Variants in PRKN observed in about 807,000 individuals in gnomAD.
The protein encoded by PRKN is E3 ubiquitin-protein ligase parkin.
A neutral mutation model predicts 59.5 loss-of-function variants in PRKN; 56 were observed. The observed-to-expected ratio is 0.94, with a 90% CI of 0.76 to 1.18. The LOEUF is 1.18. Among genes scored for constraint, PRKN ranks in the 50% most tolerant of loss-of-function variants. The pLI is 0.00. For synonymous variants in PRKN, 250 were observed against 222.1 expected, an observed-to-expected ratio of 1.13 and a Z score of -1.12; for missense variants, 657 against 596.4, an observed-to-expected ratio of 1.10 and a Z score of -1.06.
chr6:162,160,275 T>C (rs1782697549), intron 4 of PRKN, among the ~76,000 whole-genome samples: 1 of 152,152 alleles, frequency 6.6e-6, no homozygotes, highest in Non-Finnish European at 1.5e-5. Context: ...ATAAAATATA[T>C]GGATGGCAAA....
intron 2 of PRKN, among the ~76,000 whole-genome samples, chr6:162,349,205 C>T (rs1045587087): frequency 1.3e-5 from 2 of 150,946 alleles, no homozygotes; most frequent in African/African-American, 2.4e-5. Context: ...CGGTGGCTCA[C>T]GCCTGTAATC....
chr6:162,152,110 T>C (rs116203477), intron 4 of PRKN, among the ~76,000 whole-genome samples: 1 of 152,136 alleles, frequency 6.6e-6, no homozygotes, highest in African/African-American at 2.4e-5. Context: ...AACAGTAGAA[T>C]TGGAAAGAAA....
At chr6:161,981,058 C>T (rs1191046947) in intron 5 of PRKN, among the ~76,000 whole-genome samples, 1 of 152,164 alleles carries the variant, frequency 6.6e-6, no homozygotes, top group Non-Finnish European at 1.5e-5. Flanking sequence ...TAACAGGATA[C>T]AGGGCTGTGG....
At chr6:161,733,783 A>AATATATATATATATATATATATATATAT (rs1554298473) in intron 7 of PRKN, among the ~76,000 whole-genome samples, 1 of 86,226 alleles carries the variant, frequency 1.2e-5, no homozygotes, top group African/African-American at 8.8e-5. Flanking sequence ...AAAAAAAAAA[A>AATATATATATATATATATATATATATAT]ATATATATAT....
At chr6:161,898,050 C>A (rs1014686841) in intron 6 of PRKN, among the ~76,000 whole-genome samples, 1 of 149,918 alleles carries the variant, frequency 6.7e-6, no homozygotes, top group South Asian at 2.1e-4. Flanking sequence ...AAGAACAAAT[C>A]TCTGATTATT....
At chr6:162,638,247 T>C (rs1777815233) in intron 1 of PRKN, among the ~76,000 whole-genome samples, 1 of 142,798 alleles carries the variant, frequency 7.0e-6, no homozygotes, top group Non-Finnish European at 1.5e-5. Flanking sequence ...AAGCACAAAA[T>C]GCCTCCTTTC....
In PRKN at chr6:162,327,814, T is replaced by C. The variant is rs148525328; in HGVS notation, c.172-65049A>G. 3.1e-4 allele frequency among the ~76,000 whole-genome samples: 47 copies of C among 152,284 alleles called. No individual in the cohort carries two copies. The East Asian group carries it at 6.2e-3, about 20-fold the overall frequency. ...GTGTTTCCTGTCAAGGAGAAGCTCA[T>C]GGTCTCCAAGGTCTTATCTTTCTAC... On this transcript the variant is annotated intron_variant, in intron 2 of 11. Coordinates refer to ENST00000366898, the MANE Select transcript of PRKN (RefSeq NM_004562.3).
intron 6 of PRKN, among the ~76,000 whole-genome samples, chr6:161,942,259 G>A (rs754937302): frequency 7.2e-5 from 11 of 152,132 alleles, no homozygotes; most frequent in Admixed American, 4.6e-4. Flanking sequence ...CAGGCTGGGC[G>A]CGGTGGCTCA....
chr6:161,354,765 A>G lies in PRKN; in HGVS notation c.1286-4554T>C, dbSNP rs968866038. ...GTTTCGGTTACAGTGATGCACTTTT[A>G]AACAGTTTAGGCCATCGCTAATAAG... is the stretch of plus-strand genomic sequence containing the variant. On this transcript the variant is annotated intron_variant, in intron 11 of 11. Transcript: ENST00000366898. The surrounding 1 kb of genome is among the most constrained non-coding windows in gnomAD (Gnocchi z 6.7). 3.3e-5 allele frequency among the ~76,000 whole-genome samples: 5 copies of G among 152,198 alleles called. No individual in the cohort carries two copies. The highest frequency in any genetic ancestry group is 1.2e-4 in the African/African-American group (5 of 41,460).
intron 7 of PRKN, among the ~76,000 whole-genome samples, chr6:161,606,571 GA>G (rs2128145063): frequency 6.6e-6 from 1 of 152,258 alleles, no homozygotes; most frequent in South Asian, 2.1e-4. Context: ...TGAGAGAGAA[GA>G]AAAAATCAGA....
chr6:161,935,138 A>G (rs969125386), intron 6 of PRKN, among the ~76,000 whole-genome samples: 6 of 152,102 alleles, frequency 3.9e-5, no homozygotes, highest in African/African-American at 1.4e-4. Context: ...AAACTTCAAA[A>G]GTTCACAGAA....
chr6:162,370,349 T>C (rs1785690847), intron 2 of PRKN, among the ~76,000 whole-genome samples: 1 of 152,130 alleles, frequency 6.6e-6, no homozygotes, highest in Non-Finnish European at 1.5e-5. Flanking sequence ...GGCATAGCAT[T>C]TTAACATCAC....
In PRKN at chr6:161,462,430, T is replaced by C. The variant is rs142716592; in HGVS notation, c.1084-75553A>G. 0.01 allele frequency among the ~76,000 whole-genome samples: 1,540 copies of C among 152,296 alleles called. 16 individuals carry two copies. Among genetic ancestry groups the C allele is most frequent in the Middle Eastern group, 0.031 (9 of 294 alleles). Reference sequence around the variant, plus strand: ...TAATACTGTAGAACGTGCTCTTCCATTACCTTGAAGCTAATGACTAGCTAA... The same window carrying C: ...TAATACTGTAGAACGTGCTCTTCCACTACCTTGAAGCTAATGACTAGCTAA... On this transcript the variant is annotated intron_variant, in intron 9 of 11. Coordinates refer to ENST00000366898, the MANE Select transcript of PRKN (RefSeq NM_004562.3). The surrounding 1 kb of genome is among the most constrained non-coding windows in gnomAD (Gnocchi z 4.5).
At chr6:162,471,698 CA>C (rs2128178447) in intron 1 of PRKN, among the ~76,000 whole-genome samples, 1 of 152,182 alleles carries the variant, frequency 6.6e-6, no homozygotes, top group East Asian at 1.9e-4. Context: ...TACAGAAGTG[CA>C]AAAACTAAAG....
At chr6:162,416,664 T>C in intron 2 of PRKN, among the ~76,000 whole-genome samples, 1 of 152,324 alleles carries the variant, frequency 6.6e-6, no homozygotes, top group East Asian at 1.9e-4. Context: ...AAATAAAAAG[T>C]ATATTTACTA....
chr6:162,021,461 A>ATATTTT (rs59250759), intron 5 of PRKN, among the ~76,000 whole-genome samples: 4 of 24,646 alleles, frequency 1.6e-4, no homozygotes, highest in African/African-American at 3.7e-4. Flanking sequence ...ATATATATAT[A>ATATTTT]TTTTTTTTTT....
chr6:161,436,286 GGACAGAGAGCAGGGGCC>G (rs1788900710), intron 9 of PRKN, among the ~76,000 whole-genome samples: 1 of 127,242 alleles, frequency 7.9e-6, no homozygotes, highest in Non-Finnish European at 1.6e-5. Context: ...GGAATGGGAG[GGACAGAGAGCAGGGGCC>G]GGGATGGGAG....
intron 7 of PRKN, among the ~76,000 whole-genome samples, chr6:161,711,151 T>C (rs974634068): frequency 3.9e-5 from 6 of 152,172 alleles, no homozygotes; most frequent in Non-Finnish European, 5.9e-5. Flanking sequence ...ATTTTCATTA[T>C]GTATCATTGT....
chr6:161,811,860 T>G (rs1330131230), intron 6 of PRKN, among the ~76,000 whole-genome samples: 1 of 151,824 alleles, frequency 6.6e-6, no homozygotes, highest in Non-Finnish European at 1.5e-5. Flanking sequence ...AGGTGGAGGT[T>G]GCAGTGAGTT....
Sources: gnomAD v4.1 joint callset for allele counts (sites outside exome capture counted in the v4.1 genomes callset) on GRCh38, gnomAD v4.1.1 for gene constraint, Gnocchi (gnomAD v3.1) non-coding constraint, MANE v1.5 for transcripts, NCBI Gene and HGNC (gene_info 2026-07-23, HGNC 2026-07-21) for gene names.